Variants in TYW1B observed in about 807,000 individuals in gnomAD.
TYW1B encodes S-adenosyl-L-methionine-dependent tRNA 4-demethylwyosine synthase TYW1B.
Under a neutral mutation model 86.9 loss-of-function variants are expected in TYW1B, and 73 were observed. That is an observed-to-expected ratio of 0.84 (90% CI 0.70 to 1.02). TYW1B has a LOEUF of 1.02. Ranked by LOEUF, TYW1B falls within the 50% of genes least tolerant of loss-of-function variation. The probability of loss-of-function intolerance (pLI) is 0.00; values close to 1 mark genes in which losing one functional copy is unlikely to be tolerated. For synonymous variants in TYW1B, 248 were observed against 292.8 expected (o/e 0.85, Z 1.56); for missense variants, 637 against 827.4 (o/e 0.77, Z 2.82).
intron 6 of TYW1B, among the ~76,000 whole-genome samples, chr7:72,779,145 C>T (rs553646631): frequency 6.6e-6 from 1 of 152,290 alleles, no homozygotes; most frequent in Admixed American, 6.5e-5. Context: ...ACCCTTGGTC[C>T]CTGTCTATTT....
chr7:72,647,676 G>A (rs1554442210), intron 11 of TYW1B, among the ~76,000 whole-genome samples: 1 of 151,800 alleles, frequency 6.6e-6, no homozygotes, highest in East Asian at 1.9e-4. Flanking sequence ...AGGAGTATTT[G>A]TTGACAAGGG....
At chr7:72,682,685 A>T (rs1303340298) in intron 11 of TYW1B, among the ~76,000 whole-genome samples, 1 of 152,230 alleles carries the variant, frequency 6.6e-6, no homozygotes, top group Non-Finnish European at 1.5e-5. Flanking sequence ...AACTGTTCTT[A>T]GATCCATCAG....
chr7:72,623,926 T>C (rs2960925), intron 12 of TYW1B, among the ~76,000 whole-genome samples: 68,330 of 151,762 alleles, frequency 0.45, 17,453 homozygotes, highest in African/African-American at 0.7. Flanking sequence ...CTCAGCCTCC[T>C]GAGTAGCTGG....
Position 72,810,623 on chromosome 7 carries a change from T to A in TYW1B, c.280A>T (p.Thr94Ser). 6.2e-7 allele frequency: 1 copy of A among 1,613,644 alleles called. No individual in the cohort carries two copies. The highest frequency in any genetic ancestry group is 8.5e-7 in the Non-Finnish European group (1 of 1,179,694). The change falls in exon 4 of 14, where the codon ACT (threonine) becomes TCT (serine). Residue 94 changes from threonine (T) to serine (S), a missense_variant. Thr to Ser is a moderately conservative substitution (Grantham distance 58). Transcript: ENST00000620995. ...GCACTTTCGGTTGGTAGGCCGTCAG[T>A]GTATGTCGCAACCAGGAAGACACAG... Reference protein sequence around the residue: ...NVCVFLVATYTDGLPTESAEW... With the variant: ...NVCVFLVATYSDGLPTESAEW...
intron 10 of TYW1B, among the ~76,000 whole-genome samples, chr7:72,699,865 G>T (rs1414296771): frequency 3.9e-5 from 6 of 151,946 alleles, no homozygotes; most frequent in Non-Finnish European, 8.8e-5. Flanking sequence ...GGCCAGGCTG[G>T]TCTTAAACTC....
chr7:72,631,765 T>C (rs1202721950), intron 11 of TYW1B, among the ~76,000 whole-genome samples: 1 of 151,992 alleles, frequency 6.6e-6, no homozygotes. Flanking sequence ...AACAAACAGC[T>C]TTCCAAGGAT....
chr7:72,795,321 A>T lies in TYW1B; in HGVS notation c.846+7079T>A, dbSNP rs1788286576. On this transcript the variant is annotated intron_variant, in intron 6 of 13. Coordinates refer to ENST00000620995, the MANE Select transcript of TYW1B (RefSeq NM_001145440.3). ...GTCTTTTCTCTTTGATCCAAGACTA[A>T]AATTTACAAAATGCTTTTGGATTTT... 1.6e-5 allele frequency among the ~76,000 whole-genome samples: 2 copies of T among 125,454 alleles called. 1 individual carries two copies. Among genetic ancestry groups the T allele is most frequent in the South Asian group, 4.4e-4 (2 of 4,510 alleles). The allele number at this position is 125,454 out of a possible 152,430, so 82.3% of individuals were successfully genotyped here. A position where few individuals can be genotyped will look rare whatever the true frequency, so the allele number is the denominator to read the frequency against.
chr7:72,804,497 C>T (rs1209609702), intron 5 of TYW1B, among the ~76,000 whole-genome samples: 1 of 152,022 alleles, frequency 6.6e-6, no homozygotes, highest in African/African-American at 2.4e-5. Context: ...TATGACAATA[C>T]ATAAATGAAT....
At chr7:72,718,682 T>G (rs1313829011) in intron 9 of TYW1B, among the ~76,000 whole-genome samples, 7 of 152,182 alleles carry the variant, frequency 4.6e-5, no homozygotes, top group African/African-American at 1.4e-4. Flanking sequence ...TAAAACAAGG[T>G]TTTTAAATAA....
At chr7:72,827,546 A>C (rs1788957439) in intron 1 of TYW1B, among the ~76,000 whole-genome samples, 1 of 152,190 alleles carries the variant, frequency 6.6e-6, no homozygotes, top group African/African-American at 2.4e-5. Context: ...GAGCATTTAG[A>C]AGCAAGAGAA....
chr7:72,603,336 ATG>A (rs60759620), intron 13 of TYW1B, among the ~76,000 whole-genome samples: 6,056 of 152,016 alleles, frequency 0.04, 398 homozygotes, highest in African/African-American at 0.14. Context: ...GGATGGATGG[ATG>A]GATGGATGGA....
At chr7:72,630,216 T>C (rs1554439643) in intron 11 of TYW1B, among the ~76,000 whole-genome samples, 1 of 152,084 alleles carries the variant, frequency 6.6e-6, no homozygotes, top group Non-Finnish European at 1.5e-5. Context: ...GAGGTGAAGG[T>C]TGCAGTGAGC....
intron 8 of TYW1B, among the ~76,000 whole-genome samples, chr7:72,732,953 A>C (rs1308941012): frequency 6.6e-6 from 1 of 152,146 alleles, no homozygotes; most frequent in Non-Finnish European, 1.5e-5. Context: ...ATCATTAAAG[A>C]CTGTTATAAC....
chr7:72,789,939 C>CTTTT (rs67405029), intron 6 of TYW1B, among the ~76,000 whole-genome samples: 37 of 69,214 alleles, frequency 5.3e-4, no homozygotes, highest in African/African-American at 1.4e-3. Flanking sequence ...ATAGGATTAT[C>CTTTT]TTTTTTTTTT....
At chr7:72,675,165 G>A (rs371096094) in intron 11 of TYW1B, among the ~76,000 whole-genome samples, 3 of 151,990 alleles carry the variant, frequency 2.0e-5, no homozygotes, top group South Asian at 2.1e-4. Flanking sequence ...TTGGGAGGCC[G>A]GGGTGGGTGG....
intron 11 of TYW1B, among the ~76,000 whole-genome samples, chr7:72,635,945 C>T (rs1812656274): frequency 1.3e-5 from 2 of 152,292 alleles, no homozygotes; most frequent in South Asian, 4.1e-4. Context: ...AATTCCAATG[C>T]GCAGCACGGC....
chr7:72,705,783 C>G (rs1814594794), intron 10 of TYW1B, among the ~76,000 whole-genome samples: 1 of 152,080 alleles, frequency 6.6e-6, no homozygotes, highest in South Asian at 2.1e-4. Context: ...TGAGGTTCCT[C>G]AGAGGGAAGA....
At chr7:72,735,478 A>G (rs1554460832) in intron 8 of TYW1B, among the ~76,000 whole-genome samples, 2 of 151,948 alleles carry the variant, frequency 1.3e-5, no homozygotes, top group Non-Finnish European at 2.9e-5. Context: ...AGGCTGAGGC[A>G]AGAGAATCAC....
intron 7 of TYW1B, among the ~76,000 whole-genome samples, chr7:72,764,814 T>C (rs1787744966): frequency 2.0e-5 from 3 of 152,184 alleles, no homozygotes; most frequent in Admixed American, 6.6e-5. Flanking sequence ...GTTTGTGACT[T>C]TTCATTTTTG....
Sources: gnomAD v4.1 joint callset for allele counts (sites outside exome capture counted in the v4.1 genomes callset) on GRCh38, gnomAD v4.1.1 for gene constraint, MANE v1.5 for transcripts, NCBI Gene and HGNC (gene_info 2026-07-23, HGNC 2026-07-21) for gene names.